Variants in SGCG observed in about 807,000 individuals in gnomAD.
SGCG encodes the protein sarcoglycan gamma.
Under a neutral mutation model 29.3 loss-of-function variants are expected in SGCG, and 26 were observed. That is an observed-to-expected ratio of 0.89 (90% CI 0.65 to 1.23). The LOEUF is 1.23. Among genes scored for constraint, SGCG ranks in the 50% most tolerant of loss-of-function variants. The pLI is 0.00. For missense variants in SGCG, 353 were observed against 356.0 expected (o/e 0.99, Z 0.07); for synonymous variants, 145 against 129.7 (o/e 1.12, Z -0.80).
At chr13:23,203,592 A>AAAT in intron 1 of SGCG, 103 bp from the exon 2 acceptor site, 2 of 812,302 alleles carry the variant, frequency 2.5e-6, no homozygotes, top group Non-Finnish European at 4.2e-6. Context: ...CTGGGATGAA[A>AAAT]AATATGTTTT....
chr13:23,198,890 C>G (rs528368221), intron 1 of SGCG, among the ~76,000 whole-genome samples: 1 of 145,822 alleles, frequency 6.9e-6, no homozygotes, highest in Non-Finnish European at 1.5e-5. Flanking sequence ...AGGCGGATCA[C>G]GAGGTCAGGA....
In SGCG at chr13:23,286,801, T is replaced by C. The variant is rs150487888; in HGVS notation, c.505+7323T>C. On this transcript the variant is annotated intron_variant, in intron 5 of 7. Coordinates refer to ENST00000218867, the MANE Select transcript of SGCG (RefSeq NM_000231.3). ...TCACCCTTCTTGTGATGATGTGAGATGAGAAAATGCCTACATGATAAGATG... is the reference window on the plus strand; with the variant it reads ...TCACCCTTCTTGTGATGATGTGAGACGAGAAAATGCCTACATGATAAGATG... Among the ~76,000 whole-genome samples, 327 of 152,322 alleles carry C rather than the reference T, an allele frequency of 2.1e-3. 2 individuals are homozygous for C. Among genetic ancestry groups the C allele is most frequent in the Middle Eastern group, 0.014 (4 of 294 alleles).
chr13:23,283,702 C>T (rs181759300), intron 5 of SGCG, among the ~76,000 whole-genome samples: 19 of 152,292 alleles, frequency 1.2e-4, no homozygotes, highest in Non-Finnish European at 1.3e-4. Flanking sequence ...GCAGTTTCTT[C>T]GTAGTGTCAA....
At chr13:23,169,961 T>C in the SGCG span, 1 of 152,268 alleles carries the variant, frequency 6.6e-6, no homozygotes, top group Admixed American at 6.5e-5. Flanking sequence ...AGCCCTGTTC[T>C]CTGCTGCGTT....
At position 23,287,081 on chromosome 13, in the gene SGCG, A is replaced by G. The variant is rs535644272; in HGVS notation, c.505+7603A>G. On this transcript the variant is annotated intron_variant, in intron 5 of 7. Coordinates refer to ENST00000218867, the MANE Select transcript of SGCG (RefSeq NM_000231.3). ...TAAGGATGCCCCCACTGAGCCCTGT[A>G]TATTTCCTTCTCCTTTCAGTGTGGA... is the stretch of plus-strand genomic sequence containing the variant. Among the ~76,000 whole-genome samples the G allele has an allele frequency of 1.0e-3, 153 of 152,328 alleles. 3 individuals are homozygous for G. In the South Asian group the frequency reaches 0.029, roughly 29 times the overall value.
intron 2 of SGCG, among the ~76,000 whole-genome samples, chr13:23,221,923 G>A (rs991934316): frequency 3.3e-5 from 5 of 152,168 alleles, no homozygotes; most frequent in African/African-American, 7.2e-5. Context: ...GAAAGCCATC[G>A]GAGACTTTTA....
intron 3 of SGCG, among the ~76,000 whole-genome samples, chr13:23,249,849 A>T (rs868129536): frequency 6.6e-6 from 1 of 152,238 alleles, no homozygotes; most frequent in Non-Finnish European, 1.5e-5. Flanking sequence ...ATAGGAAAAT[A>T]TGGTAATAGT....
chr13:23,295,594 C>T (rs1566035751), intron 6 of SGCG, 107 bp downstream of exon 6: 2 of 831,354 alleles, frequency 2.4e-6, no homozygotes, highest in Admixed American at 1.8e-5. Flanking sequence ...CTTATTTCAT[C>T]AGTTGCCTTT....
Position 23,315,818 on chromosome 13 carries a change from G to C in SGCG, c.579-4819G>C, listed in dbSNP as rs535244224. Among the ~76,000 whole-genome samples the C allele has an allele frequency of 5.3e-5, 8 of 152,316 alleles. No individual in the cohort carries two copies. In the East Asian group the frequency reaches 1.4e-3, roughly 26 times the overall value. On this transcript the variant is annotated intron_variant, in intron 6 of 7. Transcript: ENST00000218867. ...AAAATTGGTGACAAAGAAATTTGGG[G>C]AAGAGATATGTGGATGGACCTCTCT...
Position 23,216,144 on chromosome 13 carries a change from C to T in SGCG, c.195+12255C>T, listed in dbSNP as rs577004203. On this transcript the variant is annotated intron_variant, in intron 2 of 7. Transcript: ENST00000218867. Reference sequence around the variant, plus strand: ...CTCAAGATGCACCCTTCCAGCTTGACCTAGTGCAAATCTCACGTCTTCTGA... The same window carrying T: ...CTCAAGATGCACCCTTCCAGCTTGATCTAGTGCAAATCTCACGTCTTCTGA... Among the ~76,000 whole-genome samples the T allele has an allele frequency of 6.2e-4, 94 of 152,244 alleles. 1 individual carries two copies. The South Asian group carries it at 9.3e-3, about 15-fold the overall frequency.
At chr13:23,323,379 G>C (rs990626979) in intron 7 of SGCG, among the ~76,000 whole-genome samples, 1 of 152,250 alleles carries the variant, frequency 6.6e-6, no homozygotes, top group Non-Finnish European at 1.5e-5. Context: ...TCACCTGGCA[G>C]GTGCACACCG....
intron 1 of SGCG, among the ~76,000 whole-genome samples, chr13:23,181,443 A>T (rs1462792055): frequency 6.6e-6 from 1 of 152,182 alleles, no homozygotes; most frequent in Non-Finnish European, 1.5e-5. Flanking sequence ...CTGCTCTTAA[A>T]CTTTAGTGGT....
chr13:23,224,475 T>A (rs1198499353), intron 2 of SGCG, among the ~76,000 whole-genome samples: 1 of 152,018 alleles, frequency 6.6e-6, no homozygotes, highest in Non-Finnish European at 1.5e-5. Context: ...ACACGCATAA[T>A]ACAGAGAGGA....
intron 2 of SGCG, among the ~76,000 whole-genome samples, chr13:23,227,060 A>G (rs1444939714): frequency 6.6e-6 from 1 of 152,132 alleles, no homozygotes; most frequent in Non-Finnish European, 1.5e-5. Context: ...AAGAAAATGG[A>G]GGCTCTTTTT....
chr13:23,274,666 C>T (rs886768661), intron 4 of SGCG, among the ~76,000 whole-genome samples: 2 of 152,132 alleles, frequency 1.3e-5, no homozygotes, highest in African/African-American at 4.8e-5. Context: ...TCGTGATCCA[C>T]CGGCCTCGGC....
In SGCG at chr13:23,320,725, C is replaced by A; in HGVS notation, c.667C>A (p.Gln223Lys). ...AHAGKIEALSQMDILFHSSDG... is the reference protein window; with the variant it reads ...AHAGKIEALSKMDILFHSSDG... ...CGCTGGGAAAATTGAGGCGCTTTCT[C>A]AAATGGATATTCTTTTTCATAGTAG... Residue 223 changes from glutamine (Q) to lysine (K), a missense_variant, in exon 7 of 8, where the codon CAA (glutamine) becomes AAA (lysine). By Grantham distance (53) the Gln-to-Lys change is moderately conservative. Coordinates refer to ENST00000218867, the MANE Select transcript of SGCG (RefSeq NM_000231.3). 1.2e-6 allele frequency: 2 copies of A among 1,612,754 alleles called. No homozygotes were observed. The highest frequency in any genetic ancestry group is 2.2e-5 in the South Asian group (2 of 91,010).
At chr13:23,160,544 A>G in the SGCG span, among the ~76,000 whole-genome samples, 3 of 152,234 alleles carry the variant, frequency 2.0e-5, no homozygotes, top group African/African-American at 7.2e-5. Context: ...AGGACGGAGC[A>G]GAGGCCCGCG....
chr13:23,318,896 G>A (rs1396441512), intron 6 of SGCG, among the ~76,000 whole-genome samples: 1 of 152,206 alleles, frequency 6.6e-6, no homozygotes, highest in African/African-American at 2.4e-5. Context: ...GGATCTTCAA[G>A]GTCACAGATA....
intron 2 of SGCG, among the ~76,000 whole-genome samples, chr13:23,233,261 C>T (rs531930760): frequency 3.3e-5 from 5 of 152,126 alleles, no homozygotes; most frequent in East Asian, 3.9e-4. Flanking sequence ...TCATGATATG[C>T]TATAACGTGA....
Sources: allele counts gnomAD v4.1 joint callset (sites outside exome capture counted in the v4.1 genomes callset), GRCh38; gene constraint gnomAD v4.1.1; transcripts MANE v1.5; gene names NCBI Gene and HGNC (gene_info 2026-07-23, HGNC 2026-07-21).